MGAT4B: variants seen among roughly 807,000 people sequenced by gnomAD.
MGAT4B encodes N-acetylglucosaminyltransferase IVb.
In MGAT4B, 38 loss-of-function variants were observed where a neutral mutation model predicts 73.9. The observed-to-expected ratio is 0.51, with a 90% CI of 0.40 to 0.67. The LOEUF is 0.67. MGAT4B is among the 30% of genes least tolerant of loss of function. The probability of loss-of-function intolerance (pLI) is 0.00; values close to 1 mark genes in which losing one functional copy is unlikely to be tolerated. For missense variants in MGAT4B, 686 were observed against 735.2 expected (o/e 0.93, Z 0.77); for synonymous variants, 373 against 313.5 (o/e 1.19, Z -2.01).
intron 11 of MGAT4B, 128 bp downstream of exon 11, chr5:179,798,800 A>C: frequency 8.4e-7 from 1 of 1,184,006 alleles, no homozygotes; most frequent in Non-Finnish European, 1.2e-6. Flanking sequence ...CTCACAAGGT[A>C]GCTACCATTA....
chr5:179,800,401 A>T, intron 6 of MGAT4B, 83 bp downstream of exon 6: 1 of 1,425,280 alleles, frequency 7.0e-7, no homozygotes, highest in Non-Finnish European at 9.8e-7. Flanking sequence ...CACTGCAGGG[A>T]AACACCCTGG....
At chr5:179,800,768 A>C in intron 5 of MGAT4B, 139 bp downstream of exon 5, 1 of 1,045,148 alleles carries the variant, frequency 9.6e-7, no homozygotes, top group Non-Finnish European at 1.4e-6. Context: ...ACTTCTGCAC[A>C]CCCACCCCTC....
In MGAT4B at chr5:179,800,543, GT is replaced by G; in HGVS notation, c.659del (p.His220ProfsTer34). The stretch of plus-strand genomic sequence containing the variant: ...GGAGGCGGGAGAAGTCAGGGTAGAA[GT>G]GGGGGGAGGGTGAGATGACCTCCAG... ...GLLEVISPSP[H>X]FYPDFSRLRE... On this transcript the variant is annotated frameshift_variant, in exon 6 of 15. Transcript: ENST00000292591. LOFTEE classifies it high-confidence loss of function. The G allele has an allele frequency of 1.9e-6, 3 of 1,612,326 alleles. No individual in the cohort carries two copies. The South Asian group carries it at 3.3e-5, about 18-fold the overall frequency.
In MGAT4B at chr5:179,799,533, C is replaced by A; in HGVS notation, c.1014G>T (p.Val338=). 1 of 1,613,992 alleles carries A rather than the reference C, an allele frequency of 6.2e-7. No homozygotes were observed. The highest frequency in any genetic ancestry group is 8.5e-7 in the Non-Finnish European group (1 of 1,180,030). The change falls in exon 9 of 15, where the codon GTG becomes GTT. Residue 338 remains valine (V), a synonymous_variant. Transcript: ENST00000292591. Reference sequence around the variant, plus strand: ...CATCCTTCTCGGGGTTGCAGACTTTCACCCACAGAATATGGTCCAGGAGCC... The same window carrying A: ...CATCCTTCTCGGGGTTGCAGACTTTAACCCACAGAATATGGTCCAGGAGCC... The part of the protein sequence containing the change: ...IDWLLDHILW[V]KVCNPEKDAK...
intron 1 of MGAT4B, among the ~76,000 whole-genome samples, chr5:179,805,837 G>T (rs1361266475): frequency 6.6e-6 from 1 of 152,086 alleles, no homozygotes; most frequent in Non-Finnish European, 1.5e-5. Context: ...CGGCGCGGGG[G>T]GATCGGCCCG....
At chr5:179,798,868 C>G in intron 11 of MGAT4B, 60 bp downstream of exon 11, 1 of 1,588,764 alleles carries the variant, frequency 6.3e-7, no homozygotes, top group Non-Finnish European at 8.6e-7. Context: ...CCGGTGAAGC[C>G]TACACCCTGG....
intron 1 of MGAT4B, chr5:179,802,846 C>G: frequency 3.0e-6 from 3 of 985,488 alleles, no homozygotes; most frequent in Non-Finnish European, 3.6e-6. Flanking sequence ...GCAGGACGCT[C>G]CAGGCCTCTG....
In MGAT4B at chr5:179,806,497, G is replaced by A; in HGVS notation, c.87C>T (p.Ser29=). Reference sequence around the variant, plus strand: ...GGGGGTCGCGCTCACCTTTCTGGCCGCTGAGTGCCGCGTACCAGGACAGCG... The same window carrying A: ...GGGGGTCGCGCTCACCTTTCTGGCCACTGAGTGCCGCGTACCAGGACAGCG... ...FLSLSWYAAL[S]GQKGDVVDVY... The change falls in exon 1 of 15, where the codon AGC becomes AGT. Residue 29 remains serine, a synonymous_variant. Coordinates refer to ENST00000292591, the MANE Select transcript of MGAT4B (RefSeq NM_014275.5). The surrounding 1 kb of genome is among the most constrained non-coding windows in gnomAD (Gnocchi z 4.6). 3 of 1,312,448 alleles carry A rather than the reference G, an allele frequency of 2.3e-6. No homozygotes were observed. Among genetic ancestry groups the A allele is most frequent in the Admixed American group, 2.7e-5 (1 of 37,404 alleles). 81.3% of individuals were successfully genotyped at this position (1,312,448 alleles called of 1,614,324 possible). A position where few individuals can be genotyped will look rare whatever the true frequency, so the allele number is the denominator to read the frequency against.
In MGAT4B at chr5:179,801,408, T is replaced by C. The variant is rs1252859085; in HGVS notation, c.484A>G (p.Thr162Ala). The C allele has an allele frequency of 1.9e-6, 3 of 1,611,704 alleles. No homozygotes were observed. Among genetic ancestry groups the C allele is most frequent in the Non-Finnish European group, 2.5e-6 (3 of 1,179,342 alleles). Residue 162 changes from threonine to alanine, a missense_variant, in exon 4 of 15, where the codon ACT (threonine) becomes GCT (alanine). Physicochemically the swap from Thr to Ala is moderately conservative, Grantham distance 58. Transcript: ENST00000292591. The surrounding 1 kb of genome is among the most constrained non-coding windows in gnomAD (Gnocchi z 4.8). ...RREVHSYLTDTLHSLISELSP... is the reference protein window; with the variant it reads ...RREVHSYLTDALHSLISELSP... The stretch of plus-strand genomic sequence containing the variant: ...AGCTCGGAGATGAGCGAGTGCAGAG[T>C]GTCAGTCAGGTACGAGTGCACCTCG...
chr5:179,802,594 C>T, intron 1 of MGAT4B: 1 of 990,422 alleles, frequency 1.0e-6, no homozygotes, highest in Non-Finnish European at 1.2e-6. Flanking sequence ...CTCTGAACGC[C>T]CTGGTGCCTG....
At chr5:179,800,718 C>A (rs908425040) in intron 5 of MGAT4B, 121 bp from the exon 6 acceptor site, 1 of 1,008,742 alleles carries the variant, frequency 9.9e-7, no homozygotes, top group Non-Finnish European at 1.5e-6. Context: ...CCCCCTACAC[C>A]CAGCCAACTG....
At chr5:179,798,840 G>C in intron 11 of MGAT4B, 88 bp downstream of exon 11, 1 of 1,478,952 alleles carries the variant, frequency 6.8e-7, no homozygotes, top group Non-Finnish European at 9.3e-7. Context: ...GGAAACTGAA[G>C]AACGTGAGGA....
At chr5:179,804,087 CTG>C (rs999474806) in intron 1 of MGAT4B, among the ~76,000 whole-genome samples, 1 of 152,256 alleles carries the variant, frequency 6.6e-6, no homozygotes, top group Non-Finnish European at 1.5e-5. Context: ...GGCCTGGAGG[CTG>C]TGTCACCCTC....
Position 179,801,481 on chromosome 5 carries a change from A to T in MGAT4B, c.425-14T>A. ...TCACCACCGACACTATGGGGGACGGAGGCCCGACGCTGGAAAGGGTGCGGG... is the reference window on the plus strand; with the variant it reads ...TCACCACCGACACTATGGGGGACGGTGGCCCGACGCTGGAAAGGGTGCGGG... On this transcript the variant is annotated splice_polypyrimidine_tract_variant and intron_variant, in intron 3 of 14. Coordinates refer to ENST00000292591, the MANE Select transcript of MGAT4B (RefSeq NM_014275.5). The surrounding 1 kb of genome is among the most constrained non-coding windows in gnomAD (Gnocchi z 4.8). 6.2e-7 allele frequency: 1 copy of T among 1,603,142 alleles called. No homozygotes were observed. The highest frequency in any genetic ancestry group is 8.5e-7 in the Non-Finnish European group (1 of 1,172,710).
In MGAT4B at chr5:179,806,559, G is replaced by A. The variant is rs542286553; in HGVS notation, c.25C>T (p.Leu9=). MRLRNGTF[L]TLLLFCLCAF... ...CACAGGCAGAAGAGCAGCAGCGTCA[G>A]GAAGGTGCCATTGCGGAGCCTCATC... is the stretch of plus-strand genomic sequence containing the variant. The change falls in exon 1 of 15, where the codon CTG becomes TTG. Residue 9 remains leucine, a synonymous_variant. Transcript: ENST00000292591. This position sits in a 1 kb window ranked among gnomAD's most constrained non-coding sequence, Gnocchi z 4.6. 8.4e-6 allele frequency: 11 copies of A among 1,312,582 alleles called. No homozygotes were observed. The highest frequency in any genetic ancestry group is 9.1e-5 in the East Asian group (2 of 21,932). 81.3% of individuals were successfully genotyped at this position (1,312,582 alleles called of 1,614,324 possible).
At position 179,806,181 on chromosome 5, in the gene MGAT4B, G is replaced by A. The variant is rs1469106606; in HGVS notation, c.97+306C>T. The A allele has an allele frequency of 1.9e-5, 3 of 157,282 alleles. No homozygotes were observed. The highest frequency in any genetic ancestry group is 3.7e-4 in the East Asian group (2 of 5,396). The allele number at this position is 157,282 out of a possible 1,614,324, so 9.7% of individuals were successfully genotyped here. On this transcript the variant is annotated intron_variant, in intron 1 of 14. Coordinates refer to ENST00000292591, the MANE Select transcript of MGAT4B (RefSeq NM_014275.5). The surrounding 1 kb of genome is among the most constrained non-coding windows in gnomAD (Gnocchi z 4.6). The stretch of plus-strand genomic sequence containing the variant: ...CAGGTGGCTGTGGCTGGCGTTCCGG[G>A]ACCTCTGTGACCTTGGGTCTCTGCC...
chr5:179,801,205 G>T lies in MGAT4B; in HGVS notation c.558+129C>A. 1 of 1,355,706 alleles carries T rather than the reference G, an allele frequency of 7.4e-7. No homozygotes were observed. The highest frequency in any genetic ancestry group is 9.9e-7 in the Non-Finnish European group (1 of 1,013,980). The allele number at this position is 1,355,706 out of a possible 1,614,324, so 84.0% of individuals were successfully genotyped here. ...GAAAGCCCTTTCAACTTTCTATCTC[G>T]GAGCATTTGCGAATGAAACTAGCAA... On this transcript the variant is annotated intron_variant, in intron 4 of 14. Coordinates refer to ENST00000292591, the MANE Select transcript of MGAT4B (RefSeq NM_014275.5). This position sits in a 1 kb window ranked among gnomAD's most constrained non-coding sequence, Gnocchi z 4.8.
chr5:179,798,394 G>A lies in MGAT4B; in HGVS notation c.1463C>T (p.Thr488Ile). The change falls in exon 13 of 15, where the codon ACC becomes ATC. Residue 488 changes from threonine (T) to isoleucine (I), a missense_variant. Around this residue, in one of 2 missense-constraint regions of MGAT4B, gnomAD observed 449 missense variants for 536.8 expected, o/e 0.84. Transcript: ENST00000292591. ...GCTCCGAGGGTACCGGAGGGTGGCG[G>A]TGCGGCCCTCCTGCAGGGCCTCCTT... ...SDKEALQEGRTATLRYPRSPD... is the reference protein window; with the variant it reads ...SDKEALQEGRIATLRYPRSPD... 6.2e-7 allele frequency: 1 copy of A among 1,612,780 alleles called. No individual in the cohort carries two copies. The highest frequency in any genetic ancestry group is 1.1e-5 in the South Asian group (1 of 91,052).
rs1756775474 is a variant in MGAT4B, at chr5:179,798,848, G to A, written c.1343+80C>T. 7 of 1,517,182 alleles carry A rather than the reference G, an allele frequency of 4.6e-6. No individual in the cohort carries two copies. In the South Asian group the frequency reaches 5.8e-5, roughly 13 times the overall value. 94.0% of individuals were successfully genotyped at this position (1,517,182 alleles called of 1,614,324 possible). ...CAGATGCGGAAACTGAAGAACGTGA[G>A]GATAACTTGCCGGTGAAGCCTACAC... On this transcript the variant is annotated intron_variant, in intron 11 of 14. Coordinates refer to ENST00000292591, the MANE Select transcript of MGAT4B (RefSeq NM_014275.5).
Sources: allele counts gnomAD v4.1 joint callset (sites outside exome capture counted in the v4.1 genomes callset), GRCh38; gene constraint gnomAD v4.1.1; regional missense constraint gnomAD v4.1.1; non-coding constraint Gnocchi (gnomAD v3.1); transcripts MANE v1.5; gene names NCBI Gene and HGNC (gene_info 2026-07-23, HGNC 2026-07-21).